Variants in CADPS observed in about 807,000 individuals in gnomAD.
The protein encoded by CADPS is calcium dependent secretion activator.
A neutral mutation model predicts 167.3 loss-of-function variants in CADPS; 57 were observed. The observed-to-expected ratio is 0.34, with a 90% confidence interval of 0.28 to 0.42. CADPS has a LOEUF of 0.42. Among genes scored for constraint, CADPS ranks in the 20% least tolerant of loss-of-function variants. The pLI is 1.00. For missense variants in CADPS, 1,414 were observed against 1,738.1 expected, an observed-to-expected ratio of 0.81 and a Z score of 3.32; for synonymous variants, 676 against 635.3, an observed-to-expected ratio of 1.06 and a Z score of -0.96.
At chr3:62,587,334 T>C (rs2084862040) in intron 7 of CADPS, among the ~76,000 whole-genome samples, 1 of 152,218 alleles carries the variant, frequency 6.6e-6, no homozygotes, top group African/African-American at 2.4e-5. Flanking sequence ...GATAGGGCAC[T>C]GCTGGGTTGT....
intron 3 of CADPS, among the ~76,000 whole-genome samples, chr3:62,680,123 C>T (rs538874823): frequency 1.1e-4 from 17 of 151,820 alleles, no homozygotes; most frequent in East Asian, 7.8e-4. Context: ...CAGTGGAAGA[C>T]GGAGAGTAGG....
At chr3:62,825,757 T>C (rs1482837833) in intron 1 of CADPS, among the ~76,000 whole-genome samples, 1 of 152,132 alleles carries the variant, frequency 6.6e-6, no homozygotes, top group Non-Finnish European at 1.5e-5. Flanking sequence ...TGAAAACAGC[T>C]CTTCATAGCC....
chr3:62,512,436 AAAC>A (rs2068051631), intron 17 of CADPS, among the ~76,000 whole-genome samples: 1 of 152,180 alleles, frequency 6.6e-6, no homozygotes, highest in Non-Finnish European at 1.5e-5. Context: ...TCATTTGGTT[AAAC>A]AACTTTTTAA....
At chr3:62,873,852 C>T (rs1466636240) in intron 1 of CADPS, among the ~76,000 whole-genome samples, 1 of 152,074 alleles carries the variant, frequency 6.6e-6, no homozygotes, top group African/African-American at 2.4e-5. Context: ...CTGACCCGGA[C>T]GGAAGGACCA....
At chr3:62,633,929 CT>C (rs1305501721) in intron 6 of CADPS, among the ~76,000 whole-genome samples, 1 of 152,052 alleles carries the variant, frequency 6.6e-6, no homozygotes, top group Non-Finnish European at 1.5e-5. Flanking sequence ...AAAATTTAAA[CT>C]TTTTTTTACT....
rs1420043725 is a variant in CADPS, at chr3:62,602,934, C to T, written c.1326-10186G>A. Among the ~76,000 whole-genome samples the T allele has an allele frequency of 6.6e-6, 1 of 152,146 alleles. No individual in the cohort carries two copies. Among genetic ancestry groups the T allele is most frequent in the Non-Finnish European group, 1.5e-5 (1 of 68,028 alleles). The stretch of plus-strand genomic sequence containing the variant: ...CGTCTTGTCACCGGATCTTTCAAAT[C>T]CCCTACGTATATCACAAATCTGATT... On this transcript the variant is annotated intron_variant, in intron 6 of 29. Transcript: ENST00000383710. The surrounding 1 kb of genome is among the most constrained non-coding windows in gnomAD (Gnocchi z 4.4).
intron 28 of CADPS, 111 bp from the exon 29 acceptor site, chr3:62,403,296 T>A: frequency 1.4e-6 from 1 of 704,934 alleles, no homozygotes; most frequent in Non-Finnish European, 2.5e-6. Flanking sequence ...GGAAACAAAA[T>A]GGTTAAAGAG....
intron 26 of CADPS, among the ~76,000 whole-genome samples, chr3:62,463,356 G>A (rs145472580): frequency 1.8e-4 from 28 of 152,288 alleles, no homozygotes; most frequent in African/African-American, 6.5e-4. Context: ...AAAAACAGTT[G>A]CTCAAAGTGA....
At chr3:62,741,043 G>T (rs1443831958) in intron 3 of CADPS, among the ~76,000 whole-genome samples, 2 of 152,140 alleles carry the variant, frequency 1.3e-5, no homozygotes, top group East Asian at 1.9e-4. Context: ...TTGATGAATT[G>T]TTGCAATAAC....
intron 7 of CADPS, among the ~76,000 whole-genome samples, chr3:62,587,324 G>C (rs891392468): frequency 1.3e-5 from 2 of 152,226 alleles, no homozygotes; most frequent in African/African-American, 2.4e-5. Context: ...AAATGAGTGA[G>C]ATAGGGCACT....
At chr3:62,622,666 C>T (rs975872233) in intron 6 of CADPS, among the ~76,000 whole-genome samples, 4 of 152,042 alleles carry the variant, frequency 2.6e-5, no homozygotes, top group Non-Finnish European at 5.9e-5. Flanking sequence ...TGCATGGGTA[C>T]ACTGGTCCAC....
At chr3:62,711,865 C>T (rs74787849) in intron 3 of CADPS, among the ~76,000 whole-genome samples, 13,690 of 152,216 alleles carry the variant, frequency 0.09, 693 homozygotes, top group Middle Eastern at 0.13. Flanking sequence ...TCACTAATCC[C>T]ATCGTGGCTA....
intron 24 of CADPS, among the ~76,000 whole-genome samples, chr3:62,467,616 A>G (rs571038160): frequency 2.6e-5 from 4 of 152,230 alleles, no homozygotes; most frequent in Admixed American, 2.6e-4. Context: ...TACCTATGAA[A>G]ATTTAACTCA....
In CADPS at chr3:62,411,210, C is replaced by T. The variant is rs12637845; in HGVS notation, c.3778-8025G>A. 1.8e-3 allele frequency among the ~76,000 whole-genome samples: 272 copies of T among 152,284 alleles called. 3 individuals are homozygous for T. The East Asian group carries it at 0.038, about 21-fold the overall frequency. ...ATTTGGTAACTGTTTGGTAACCAAT[C>T]GGTGTTTTTGAACTGAATGCTGGAG... On this transcript the variant is annotated intron_variant, in intron 28 of 29. Transcript: ENST00000383710.
intron 3 of CADPS, among the ~76,000 whole-genome samples, chr3:62,725,627 A>G (rs542127): frequency 0.66 from 100,094 of 151,376 alleles, 35,275 homozygotes; most frequent in African/African-American, 0.92. Flanking sequence ...TGTGCAAAAT[A>G]TTTAGACATT....
chr3:62,698,906 T>C (rs2080878751), intron 3 of CADPS, among the ~76,000 whole-genome samples: 1 of 149,418 alleles, frequency 6.7e-6, no homozygotes, highest in Admixed American at 6.7e-5. Context: ...TGCCCAGCTA[T>C]TTTTTTTAAA....
rs1212456893 is a variant in CADPS, at chr3:62,731,805, C to CAAAAAAAAAAAAAAAAAAAAAAAA, written c.888+21612_888+21635dup. 1.6e-3 allele frequency among the ~76,000 whole-genome samples: 43 copies of CAAAAAAAAAAAAAAAAAAAAAAAA among 27,140 alleles called. 2 individuals carry two copies. Among genetic ancestry groups the CAAAAAAAAAAAAAAAAAAAAAAAA allele is most frequent in the African/African-American group, 3.0e-3 (18 of 6,092 alleles). 17.8% of individuals were successfully genotyped at this position (27,140 alleles called of 152,430 possible). On this transcript the variant is annotated intron_variant, in intron 3 of 29. Coordinates refer to ENST00000383710, the MANE Select transcript of CADPS (RefSeq NM_003716.4). Reference sequence around the variant, plus strand: ...CCTGGTGAAAGAAACTGATCATATGCAAAAAAAAAAAAAAAAAAAAAAAAA... The same window carrying CAAAAAAAAAAAAAAAAAAAAAAAA: ...CCTGGTGAAAGAAACTGATCATATGCAAAAAAAAAAAAAAAAAAAAAAAAAAAAAAAAAAAAAAAAAAAAAAAAA...
intron 27 of CADPS, among the ~76,000 whole-genome samples, chr3:62,442,673 T>C (rs946617898): frequency 3.3e-5 from 5 of 152,198 alleles, no homozygotes; most frequent in African/African-American, 4.8e-5. Flanking sequence ...ATGCACATAA[T>C]TGACCTTGGG....
intron 1 of CADPS, among the ~76,000 whole-genome samples, chr3:62,870,397 C>T (rs748958639): frequency 2.6e-5 from 4 of 152,148 alleles, no homozygotes; most frequent in Non-Finnish European, 4.4e-5. Context: ...CGCTCTCTCT[C>T]ACACACATAT....
Sources: allele counts gnomAD v4.1 joint callset (sites outside exome capture counted in the v4.1 genomes callset), GRCh38; gene constraint gnomAD v4.1.1; non-coding constraint Gnocchi (gnomAD v3.1); transcripts MANE v1.5; gene names NCBI Gene and HGNC (gene_info 2026-07-23, HGNC 2026-07-21).